Variants in DNAAF6 observed in about 807,000 individuals in gnomAD.
The protein encoded by DNAAF6 is PIH1 domain containing 3.
In DNAAF6, 3 loss-of-function variants were observed where a neutral mutation model predicts 13.7. The ratio of observed to expected loss-of-function variants is 0.22; its 90% CI spans 0.10 to 0.56. The LOEUF is 0.56. Among genes scored for constraint, DNAAF6 ranks in the 20% least tolerant of loss-of-function variants. The pLI, the probability that DNAAF6 is intolerant of heterozygous loss-of-function variation, is 0.92. For synonymous variants in DNAAF6, 54 were observed against 49.2 expected, an observed-to-expected ratio of 1.10 and a Z score of -0.41; for missense variants, 130 against 151.0, an observed-to-expected ratio of 0.86 and a Z score of 0.73.
intron 6 of DNAAF6, among the ~76,000 whole-genome samples, chrX:107,242,006 A>G (rs1042814373): frequency 8.9e-6 from 1 of 112,222 alleles, no homozygotes; most frequent in Non-Finnish European, 1.9e-5. Flanking sequence ...GTCTAGCACA[A>G]CCTATATAGT....
intron 1 of DNAAF6, 138 bp from the exon 2 acceptor site, chrX:107,212,735 T>A (rs1369780812): frequency 1.3e-6 from 1 of 771,824 alleles, no homozygotes; most frequent in African/African-American, 2.2e-5. Context: ...TTTGAAGGAG[T>A]TTAAAAGGAT....
chrX:107,220,846 T>C (rs913408699), intron 4 of DNAAF6, among the ~76,000 whole-genome samples: 6 of 112,207 alleles, frequency 5.3e-5, no homozygotes, highest in African/African-American at 1.9e-4. Context: ...TTAACTTTGA[T>C]AGGAATTATA....
chrX:107,215,725 A>G (rs1052498839), intron 2 of DNAAF6, among the ~76,000 whole-genome samples: 3 of 111,812 alleles, frequency 2.7e-5, no homozygotes, highest in African/African-American at 9.7e-5. Flanking sequence ...GTACATGTCT[A>G]AAGTCTTAGG....
At chrX:107,219,632 A>G (rs1207620514) in intron 4 of DNAAF6, among the ~76,000 whole-genome samples, 2 of 111,673 alleles carry the variant, frequency 1.8e-5, no homozygotes, top group Admixed American at 9.5e-5. Context: ...CAAATAGACT[A>G]AGCTTTACAT....
intron 3 of DNAAF6, 134 bp from the exon 4 acceptor site, chrX:107,218,729 TG>T: frequency 1.8e-6 from 1 of 562,289 alleles, no homozygotes. Context: ...TAGTTTGTTT[TG>T]ATCAAAAAAA....
At chrX:107,231,190 C>A (rs1273938670) in intron 5 of DNAAF6, among the ~76,000 whole-genome samples, 1 of 111,416 alleles carries the variant, frequency 9.0e-6, no homozygotes, top group Non-Finnish European at 1.9e-5. Context: ...AACTGGAGAT[C>A]ATTATGTTAC....
At chrX:107,227,242 C>A (rs774548447) in intron 5 of DNAAF6, among the ~76,000 whole-genome samples, 35 of 110,964 alleles carry the variant, frequency 3.2e-4, no homozygotes, top group African/African-American at 1.0e-3. Flanking sequence ...CAAGCATTTA[C>A]CACCAAGCCC....
At chrX:107,208,710 G>A (rs1274630680) in intron 1 of DNAAF6, among the ~76,000 whole-genome samples, 1 of 109,541 alleles carries the variant, frequency 9.1e-6, no homozygotes, top group Non-Finnish European at 1.9e-5. Flanking sequence ...GCTAATTTTT[G>A]TATTTGTAGT....
intron 1 of DNAAF6, among the ~76,000 whole-genome samples, chrX:107,211,886 T>A (rs1927865076): frequency 8.9e-6 from 1 of 112,011 alleles, no homozygotes; most frequent in African/African-American, 3.2e-5. Flanking sequence ...GTGATACATA[T>A]GAAGGCAATT....
chrX:107,217,833 A>G (rs192777521), intron 3 of DNAAF6, among the ~76,000 whole-genome samples: 58 of 112,162 alleles, frequency 5.2e-4, no homozygotes, highest in South Asian at 1.1e-3. Flanking sequence ...TATTATTGCT[A>G]TACATACTCA....
intron 1 of DNAAF6, among the ~76,000 whole-genome samples, chrX:107,208,043 G>C (rs1445544575): frequency 9.0e-6 from 1 of 111,356 alleles, no homozygotes; most frequent in Non-Finnish European, 1.9e-5. Context: ...TAAGTGTATT[G>C]TTTGTCTGAA....
chrX:107,238,507 A>G (rs1928565605), intron 5 of DNAAF6, among the ~76,000 whole-genome samples: 1 of 111,883 alleles, frequency 8.9e-6, no homozygotes, highest in South Asian at 3.7e-4. Flanking sequence ...AGACTATTAG[A>G]TGGCATCACC....
chrX:107,208,527 A>T (rs1162249568), intron 1 of DNAAF6, among the ~76,000 whole-genome samples: 4 of 108,066 alleles, frequency 3.7e-5, no homozygotes, highest in East Asian at 5.7e-4. Context: ...GAAATATTAA[A>T]TCAAAAGACG....
At chrX:107,218,079 C>T (rs1465604453) in intron 3 of DNAAF6, among the ~76,000 whole-genome samples, 2 of 112,454 alleles carry the variant, frequency 1.8e-5, no homozygotes, top group Admixed American at 9.5e-5. Flanking sequence ...ACCTAACAAT[C>T]GGGTGCATTT....
chrX:107,235,094 T>C (rs1928485369), intron 5 of DNAAF6, among the ~76,000 whole-genome samples: 1 of 112,039 alleles, frequency 8.9e-6, no homozygotes, highest in Non-Finnish European at 1.9e-5. Context: ...TTGCAAGCAC[T>C]TTAACCTTCC....
chrX:107,232,017 C>T (rs779723822), intron 5 of DNAAF6, among the ~76,000 whole-genome samples: 96 of 110,817 alleles, frequency 8.7e-4, no homozygotes, highest in Non-Finnish European at 1.4e-3. Flanking sequence ...GCCACCACAC[C>T]TGGCTAATTT....
intron 5 of DNAAF6, among the ~76,000 whole-genome samples, chrX:107,233,536 T>C (rs890052510): frequency 9.0e-6 from 1 of 111,656 alleles, no homozygotes; most frequent in Admixed American, 9.6e-5. Context: ...TCTATTTCTA[T>C]GTATTAGATA....
intron 5 of DNAAF6, among the ~76,000 whole-genome samples, chrX:107,237,889 G>A: frequency 8.9e-6 from 1 of 112,343 alleles, no homozygotes; most frequent in South Asian, 3.7e-4. Context: ...GCTGAGGCAG[G>A]AGAATTGCTT....
intron 1 of DNAAF6, among the ~76,000 whole-genome samples, chrX:107,210,766 A>G (rs1171794114): frequency 9.0e-6 from 1 of 111,330 alleles, no homozygotes; most frequent in Non-Finnish European, 1.9e-5. Context: ...GTACTATCCA[A>G]TAAGTCAGGG....
Sources: allele counts gnomAD v4.1 joint callset (sites outside exome capture counted in the v4.1 genomes callset), GRCh38; gene constraint gnomAD v4.1.1; transcripts MANE v1.5; gene names NCBI Gene and HGNC (gene_info 2026-07-23, HGNC 2026-07-21).